The following MAPK8IP3 variants were observed in gnomAD, a reference collection of about 807,000 sequenced individuals.
MAPK8IP3 encodes the protein C-Jun-amino-terminal kinase-interacting protein 3.
A neutral mutation model predicts 157.8 loss-of-function variants in MAPK8IP3; 49 were observed. The ratio of observed to expected loss-of-function variants is 0.31; its 90% CI spans 0.25 to 0.39. The LOEUF (loss-of-function observed/expected upper bound fraction) is 0.39. Ranked by LOEUF, MAPK8IP3 falls within the 10% of genes least tolerant of loss-of-function variation. The pLI is 1.00. For synonymous variants in MAPK8IP3, 897 were observed against 777.7 expected, an observed-to-expected ratio of 1.15 and a Z score of -2.55; for missense variants, 1,478 against 1,889.4, an observed-to-expected ratio of 0.78 and a Z score of 4.04.
At chr16:1,744,082 C>G (rs935758544) in intron 5 of MAPK8IP3, 11 of 987,774 alleles carry the variant, frequency 1.1e-5, no homozygotes, top group Non-Finnish European at 1.3e-5. Flanking sequence ...CACAGCCAGC[C>G]GGTGAGTGCA....
chr16:1,749,258 TCA>T (rs2041156985), intron 8 of MAPK8IP3, among the ~76,000 whole-genome samples: 1 of 152,166 alleles, frequency 6.6e-6, no homozygotes, highest in Non-Finnish European at 1.5e-5. Flanking sequence ...CCCCATGATC[TCA>T]GTTTAGAATG....
intron 12 of MAPK8IP3, 111 bp downstream of exon 12, chr16:1,760,643 C>T: frequency 6.8e-6 from 9 of 1,332,132 alleles, no homozygotes; most frequent in Non-Finnish European, 9.1e-6. Flanking sequence ...TGTGCATAGC[C>T]TACCTACCTC....
At chr16:1,712,824 C>T (rs1567134866) in intron 1 of MAPK8IP3, among the ~76,000 whole-genome samples, 1 of 152,238 alleles carries the variant, frequency 6.6e-6, no homozygotes, top group Admixed American at 6.5e-5. Context: ...GTGTCTGCCT[C>T]CGCAGTGCAC....
chr16:1,745,131 A>G lies in MAPK8IP3; in HGVS notation c.747+1655A>G, dbSNP rs537375031. ...AAGTTGTGGCCAGGGGGAGTGTCCC[A>G]TGGGTAAGTGGTGGCCCTGTAGGGT... On this transcript the variant is annotated intron_variant, in intron 5 of 31. Coordinates refer to ENST00000610761, the MANE Select transcript of MAPK8IP3 (RefSeq NM_001318852.2). 56 of 985,412 alleles carry G rather than the reference A, an allele frequency of 5.7e-5. 1 individual carries two copies. The South Asian group carries it at 2.1e-3, about 37-fold the overall frequency. 61.0% of individuals were successfully genotyped at this position (985,412 alleles called of 1,614,324 possible).
At position 1,766,311 on chromosome 16, in the gene MAPK8IP3, C is replaced by T. The variant is rs775825699; in HGVS notation, c.2721C>T (p.Pro907=). 1 of 1,612,698 alleles carries T rather than the reference C, an allele frequency of 6.2e-7. No individual in the cohort carries two copies. The highest frequency in any genetic ancestry group is 8.5e-7 in the Non-Finnish European group (1 of 1,179,982). The change falls in exon 22 of 32, where the codon CCC becomes CCT. Residue 907 remains proline (P), a synonymous_variant. Coordinates refer to ENST00000610761, the MANE Select transcript of MAPK8IP3 (RefSeq NM_001318852.2). The stretch of plus-strand genomic sequence containing the variant: ...CCACGGAGGTGCCAGACCCTGGGCC[C>T]AGCGAGCCAGAGACAGCCACATTGC... ...TEATEVPDPG[P]SEPETATLRP...
At position 1,751,227 on chromosome 16, in the gene MAPK8IP3, G is replaced by A. The variant is rs1409234107; in HGVS notation, c.1216+2507G>A. On this transcript the variant is annotated intron_variant, in intron 8 of 31. Transcript: ENST00000610761. The surrounding 1 kb of genome is among the most constrained non-coding windows in gnomAD (Gnocchi z 5.0). Reference sequence around the variant, plus strand: ...TCCCAGCACTTTGGGAGGCCGAGGCGGGTGGATTGCTTGAAGTCAGGAGTT... The same window carrying A: ...TCCCAGCACTTTGGGAGGCCGAGGCAGGTGGATTGCTTGAAGTCAGGAGTT... Among the ~76,000 whole-genome samples, 4 of 152,138 alleles carry A rather than the reference G, an allele frequency of 2.6e-5. No individual in the cohort carries two copies. The highest frequency in any genetic ancestry group is 2.0e-4 in the East Asian group (1 of 5,098).
rs1414491070 is a variant in MAPK8IP3, at chr16:1,710,877, C to T, written c.318+4220C>T. Among the ~76,000 whole-genome samples the T allele has an allele frequency of 2.0e-5, 3 of 152,226 alleles. No individual in the cohort carries two copies. Among genetic ancestry groups the T allele is most frequent in the East Asian group, 1.9e-4 (1 of 5,190 alleles). ...AAGCTGGCCTGGTGTAGCTGTACCA[C>T]TCACCAGGAGTACAGCAGTCTCCCT... On this transcript the variant is annotated intron_variant, in intron 1 of 31. Transcript: ENST00000610761. The surrounding 1 kb of genome is among the most constrained non-coding windows in gnomAD (Gnocchi z 4.1).
Position 1,765,105 on chromosome 16 carries a change from C to T in MAPK8IP3, c.2373C>T (p.Ala791=), listed in dbSNP as rs968584758. 30 of 1,612,526 alleles carry T rather than the reference C, an allele frequency of 1.9e-5. No individual in the cohort carries two copies. The highest frequency in any genetic ancestry group is 2.5e-5 in the Non-Finnish European group (30 of 1,179,826). ...LTTSKVVIID[A]NQPGTVVDQF... Reference sequence around the variant, plus strand: ...CCAGCAAGGTGGTGATCATCGACGCCAACCAGCCGGGCACGGTGGTGGACC... The same window carrying T: ...CCAGCAAGGTGGTGATCATCGACGCTAACCAGCCGGGCACGGTGGTGGACC... Residue 791 remains alanine (A), a synonymous_variant, in exon 20 of 32, where the codon GCC becomes GCT. Coordinates refer to ENST00000610761, the MANE Select transcript of MAPK8IP3 (RefSeq NM_001318852.2).
chr16:1,764,034 G>C lies in MAPK8IP3; in HGVS notation c.2026-81G>C. The C allele has an allele frequency of 2.9e-6, 4 of 1,372,932 alleles. 1 individual carries two copies. The South Asian group carries it at 4.1e-5, about 14-fold the overall frequency. The allele number at this position is 1,372,932 out of a possible 1,614,324, so 85.0% of individuals were successfully genotyped here. On this transcript the variant is annotated intron_variant, in intron 17 of 31. Coordinates refer to ENST00000610761, the MANE Select transcript of MAPK8IP3 (RefSeq NM_001318852.2). ...GAAGTGGCTGTGCCGCCAGAAGCTG[G>C]CAGCCCTACCTGTCTCAGATTTCTG...
chr16:1,751,293 A>G lies in MAPK8IP3; in HGVS notation c.1216+2573A>G, dbSNP rs1386103433. On this transcript the variant is annotated intron_variant, in intron 8 of 31. Coordinates refer to ENST00000610761, the MANE Select transcript of MAPK8IP3 (RefSeq NM_001318852.2). The surrounding 1 kb of genome is among the most constrained non-coding windows in gnomAD (Gnocchi z 5.0). ...CAACATGGTGAAACCCATCTCTACT[A>G]AAAATACAAAAAGAAATTAGCTGGG... Among the ~76,000 whole-genome samples, 1 of 152,066 alleles carries G rather than the reference A, an allele frequency of 6.6e-6. No homozygotes were observed. The highest frequency in any genetic ancestry group is 1.5e-5 in the Non-Finnish European group (1 of 67,996).
chr16:1,767,249 C>T lies in MAPK8IP3; in HGVS notation c.3189C>T (p.Gly1063=), dbSNP rs1434662162. The change falls in exon 26 of 32, where the codon GGC becomes GGT. Residue 1063 remains glycine, a synonymous_variant. Transcript: ENST00000610761. ...MAVVYDRVWC[G]YKNKVHVIQP... is the part of the protein sequence containing the mutation. ...TTGTGTACGACCGCGTGTGGTGTGG[C>T]TACAAGAACAAGGTGCACGTCATCC... 2 of 1,613,272 alleles carry T rather than the reference C, an allele frequency of 1.2e-6. No individual in the cohort carries two copies. The highest frequency in any genetic ancestry group is 1.3e-5 in the African/African-American group (1 of 74,942).
chr16:1,757,889 G>C (rs1202518669), intron 8 of MAPK8IP3, among the ~76,000 whole-genome samples: 2 of 152,210 alleles, frequency 1.3e-5, no homozygotes, highest in Non-Finnish European at 2.9e-5. Flanking sequence ...GAGGGCAGCA[G>C]GCTTCCGGGT....
At chr16:1,737,917 T>A (rs1237711888) in intron 4 of MAPK8IP3, among the ~76,000 whole-genome samples, 6 of 67,174 alleles carry the variant, frequency 8.9e-5, no homozygotes, top group South Asian at 1.1e-3. Context: ...CGTCCGTGTG[T>A]GTGACCATCC....
Position 1,764,392 on chromosome 16 carries a change from C to T in MAPK8IP3, c.2213C>T (p.Pro738Leu). 2 of 1,600,014 alleles carry T rather than the reference C, an allele frequency of 1.2e-6. No individual in the cohort carries two copies. Among genetic ancestry groups the T allele is most frequent in the South Asian group, 1.1e-5 (1 of 89,146 alleles). ...NGVKPAPGRD[P>L]LTCDREGDGE... is the part of the protein sequence containing the mutation. ...GTCAAGCCAGCGCCAGGCCGCGATC[C>T]CCTGACCTGCGACCGCGAAGGAGAC... is the stretch of plus-strand genomic sequence containing the variant. Residue 738 changes from proline (P) to leucine (L), a missense_variant, in exon 19 of 32, where the codon CCC becomes CTC. Pro to Leu is a moderately conservative substitution (Grantham distance 98). Around this residue, in one of 11 missense-constraint regions of MAPK8IP3, gnomAD observed 669 missense variants for 759.8 expected, o/e 0.88. Transcript: ENST00000610761.
At position 1,747,283 on chromosome 16, in the gene MAPK8IP3, C is replaced by T; in HGVS notation, c.994+8C>T. ...TGCGCAACGTCAGTATAGGTGGGTGCCCACCTCCGGGACTCTGGGCTCCCT... is the reference window on the plus strand; with the variant it reads ...TGCGCAACGTCAGTATAGGTGGGTGTCCACCTCCGGGACTCTGGGCTCCCT... On this transcript the variant is annotated splice_region_variant and intron_variant, in intron 6 of 31. Coordinates refer to ENST00000610761, the MANE Select transcript of MAPK8IP3 (RefSeq NM_001318852.2). The T allele has an allele frequency of 4.3e-6, 7 of 1,610,586 alleles. No homozygotes were observed. The highest frequency in any genetic ancestry group is 5.1e-6 in the Non-Finnish European group (6 of 1,177,832).
At position 1,767,710 on chromosome 16, in the gene MAPK8IP3, T is replaced by C. The variant is rs758438322; in HGVS notation, c.3384T>C (p.Ile1128=). Residue 1128 remains isoleucine, a synonymous_variant, in exon 27 of 32, where the codon ATT becomes ATC. Transcript: ENST00000610761. Reference sequence around the variant, plus strand: ...ACCAGCATCTACAGGACGTGGACATTGAGCCCTACGTCAGCAAGATGCTAG... The same window carrying C: ...ACCAGCATCTACAGGACGTGGACATCGAGCCCTACGTCAGCAAGATGCTAG... ...HTHQHLQDVD[I]EPYVSKMLGT... is the part of the protein sequence containing the mutation. 3.7e-6 allele frequency: 6 copies of C among 1,612,790 alleles called. No homozygotes were observed. In the Admixed American group the frequency reaches 1.0e-4, roughly 27 times the overall value.
chr16:1,720,817 G>A (rs1034655297), intron 1 of MAPK8IP3, among the ~76,000 whole-genome samples: 8 of 151,160 alleles, frequency 5.3e-5, no homozygotes, highest in African/African-American at 1.5e-4. Flanking sequence ...GGCGGATCAC[G>A]AGGTCAGGGG....
In MAPK8IP3 at chr16:1,762,728, A is replaced by G. The variant is rs368088009; in HGVS notation, c.1724A>G (p.Gln575Arg). The G allele has an allele frequency of 3.8e-6, 6 of 1,578,510 alleles. No homozygotes were observed. The highest frequency in any genetic ancestry group is 5.2e-6 in the Non-Finnish European group (6 of 1,160,298). Residue 575 changes from glutamine (Q) to arginine (R), a missense_variant, in exon 15 of 32, where the codon CAG (glutamine) becomes CGG (arginine). Around this residue, in one of 11 missense-constraint regions of MAPK8IP3, gnomAD observed 669 missense variants for 759.8 expected, o/e 0.88. Transcript: ENST00000610761. ...VQEKKKSTIW[Q>R]FFSRLFSSSS... is the part of the protein sequence containing the mutation. ...GAGAAGAAGAAGTCGACCATCTGGC[A>G]GTTGTAAGCTGGGGGCCCCTGGGGG...
At chr16:1,739,031 C>T (rs1322917129) in intron 4 of MAPK8IP3, among the ~76,000 whole-genome samples, 7 of 123,744 alleles carry the variant, frequency 5.7e-5, no homozygotes, top group East Asian at 5.4e-4. Context: ...TCTGTGTGAG[C>T]GTCCGTGTGA....
Sources: allele counts gnomAD v4.1 joint callset (sites outside exome capture counted in the v4.1 genomes callset), GRCh38; gene constraint gnomAD v4.1.1; regional missense constraint gnomAD v4.1.1; non-coding constraint Gnocchi (gnomAD v3.1); transcripts MANE v1.5; gene names NCBI Gene and HGNC (gene_info 2026-07-23, HGNC 2026-07-21).